Variants in CCNY observed in about 807,000 individuals in gnomAD.
CCNY encodes cyclin Y.
CCNY carries 19 observed loss-of-function variants against 42.8 expected under a neutral mutation model. The observed-to-expected ratio is 0.44, with a 90% confidence interval of 0.31 to 0.65. CCNY has a LOEUF of 0.65. Ranked by LOEUF, CCNY falls within the 30% of genes least tolerant of loss-of-function variation. CCNY has a pLI of 0.07. For missense variants in CCNY, 370 were observed against 437.3 expected, an observed-to-expected ratio of 0.85 and a Z score of 1.37; for synonymous variants, 165 against 162.7, an observed-to-expected ratio of 1.01 and a Z score of -0.11.
chr10:35,286,254 C>T (rs1056757327), intron 3 of CCNY, among the ~76,000 whole-genome samples: 1 of 151,954 alleles, frequency 6.6e-6, no homozygotes, highest in Admixed American at 6.6e-5. Flanking sequence ...TTGATGATAT[C>T]TCTCCATACA....
rs530852250 is a variant in CCNY, at chr10:35,295,486, C to T, written c.-9+44860C>T. Among the ~76,000 whole-genome samples, 9 of 152,234 alleles carry T rather than the reference C, an allele frequency of 5.9e-5. No homozygotes were observed. The East Asian group carries it at 1.7e-3, about 30-fold the overall frequency. The stretch of plus-strand genomic sequence containing the variant: ...ACCTCAGGTGATCCGCCCGTTTCTG[C>T]CTCCCAAAGTGCTGGGATTACAGGC... On this transcript the variant is annotated intron_variant, in intron 3 of 11. Transcript: ENST00000374706.
At chr10:35,264,354 A>G (rs1257499838) in intron 3 of CCNY, among the ~76,000 whole-genome samples, 4 of 152,134 alleles carry the variant, frequency 2.6e-5, no homozygotes, top group African/African-American at 4.8e-5. Flanking sequence ...GTCAGGTCAA[A>G]TGGTATTTCT....
At chr10:35,368,264 C>T (rs1836852503) in intron 1 of CCNY, among the ~76,000 whole-genome samples, 2 of 152,182 alleles carry the variant, frequency 1.3e-5, no homozygotes, top group African/African-American at 4.8e-5. Context: ...CTTCAAGTTC[C>T]ATCCTCAGCT....
rs56033862 is a variant in CCNY, at chr10:35,482,749, G to GGTGTGTGTGTGT, written c.155-614_155-603dup. Among the ~76,000 whole-genome samples, 901 of 128,896 alleles carry GGTGTGTGTGTGT rather than the reference G, an allele frequency of 7.0e-3. 8 individuals carry two copies. Among genetic ancestry groups the GGTGTGTGTGTGT allele is most frequent in the East Asian group, 0.031 (132 of 4,248 alleles). The allele number at this position is 128,896 out of a possible 152,430, so 84.6% of individuals were successfully genotyped here. A position where few individuals can be genotyped will look rare whatever the true frequency, so the allele number is the denominator to read the frequency against. On this transcript the variant is annotated intron_variant, in intron 1 of 9. Transcript: ENST00000374704. The stretch of plus-strand genomic sequence containing the variant: ...GATTTCTCAAGGGAAGCTGGAAATA[G>GGTGTGTGTGTGT]GTGTGTGTGTGTGTGTGTGTGTGTG...
At chr10:35,526,088 T>C in intron 5 of CCNY, 89 bp downstream of exon 5, 1 of 1,121,332 alleles carries the variant, frequency 8.9e-7, no homozygotes. Flanking sequence ...CTTAAACCTT[T>C]GAATTATACT....
At position 35,478,411 on chromosome 10, in the gene CCNY, A is replaced by G. The variant is rs1369862003; in HGVS notation, c.155-4993A>G. Among the ~76,000 whole-genome samples the G allele has an allele frequency of 2.5e-3, 375 of 151,628 alleles. 2 individuals carry two copies. Among genetic ancestry groups the G allele is most frequent in the African/African-American group, 8.4e-3 (349 of 41,368 alleles). ...CTATACTACAAGGCTACAGTAACCA[A>G]AACAGCATGGTACTGGTACCAAAAC... is the stretch of plus-strand genomic sequence containing the variant. On this transcript the variant is annotated intron_variant, in intron 1 of 9. Transcript: ENST00000374704.
intron 1 of CCNY, among the ~76,000 whole-genome samples, chr10:35,377,816 G>A (rs1464966766): frequency 1.3e-5 from 2 of 149,992 alleles, no homozygotes; most frequent in African/African-American, 5.1e-5. Flanking sequence ...AATTAAGTAA[G>A]AAGAGTAGCA....
At position 35,336,862 on chromosome 10, in the gene CCNY, C is replaced by T. The variant is rs1836046099; in HGVS notation, c.-192C>T. 6.3e-6 allele frequency: 1 copy of T among 159,400 alleles called. No homozygotes were observed. The highest frequency in any genetic ancestry group is 2.4e-5 in the African/African-American group (1 of 40,970). The allele number at this position is 159,400 out of a possible 1,614,324, so 9.9% of individuals were successfully genotyped here. ...CCGCTCGTCGCCGCCGCCGCCGCCG[C>T]CGCCCATGGCGAGGCCCCGCCGCCG... On this transcript the variant is annotated 5_prime_UTR_variant, in exon 1 of 10. Transcript: ENST00000374704.
At chr10:35,508,660 T>C (rs987685437) in intron 3 of CCNY, among the ~76,000 whole-genome samples, 1 of 152,222 alleles carries the variant, frequency 6.6e-6, no homozygotes, top group Non-Finnish European at 1.5e-5. Flanking sequence ...TACTTTAAAT[T>C]TCCCATTCCA....
At position 35,264,344 on chromosome 10, in the gene CCNY, G is replaced by A. The variant is rs369952908; in HGVS notation, c.-9+13718G>A. Among the ~76,000 whole-genome samples, 62 of 152,128 alleles carry A rather than the reference G, an allele frequency of 4.1e-4. No individual in the cohort carries two copies. The East Asian group carries it at 6.0e-3, about 15-fold the overall frequency. On this transcript the variant is annotated intron_variant, in intron 3 of 11. Coordinates refer to the CCNY transcript ENST00000374706. ...GTTGGTGTGCTGCACCCATTAACTC[G>A]TCAGGTCAAATGGTATTTCTGCCTC...
At chr10:35,272,827 G>A (rs1420530686) in intron 3 of CCNY, among the ~76,000 whole-genome samples, 2 of 151,946 alleles carry the variant, frequency 1.3e-5, no homozygotes, top group Non-Finnish European at 2.9e-5. Context: ...CTGTTTTTAG[G>A]TCTTTGAGGA....
chr10:35,362,841 A>G (rs2504358), intron 1 of CCNY, among the ~76,000 whole-genome samples: 12,126 of 148,326 alleles, frequency 0.082, 881 homozygotes, highest in African/African-American at 0.2. Context: ...GCCAGGCAGA[A>G]GCACTCCTCA....
At chr10:35,491,021 T>C (rs1839884518) in intron 2 of CCNY, among the ~76,000 whole-genome samples, 1 of 152,214 alleles carries the variant, frequency 6.6e-6, no homozygotes, top group Non-Finnish European at 1.5e-5. Context: ...CTCACCTGTC[T>C]TTCCCTCTAG....
At chr10:35,515,911 T>A (rs1337592102) in intron 3 of CCNY, among the ~76,000 whole-genome samples, 1 of 152,236 alleles carries the variant, frequency 6.6e-6, no homozygotes, top group Non-Finnish European at 1.5e-5. Flanking sequence ...CAAAGAACTA[T>A]CTAAAGGTCA....
At chr10:35,365,210 T>C (rs962275379) in intron 1 of CCNY, among the ~76,000 whole-genome samples, 2 of 152,186 alleles carry the variant, frequency 1.3e-5, no homozygotes, top group Admixed American at 1.3e-4. Flanking sequence ...ATTGGTTATC[T>C]TCACTGGAGG....
At chr10:35,481,760 A>T (rs1398433354) in intron 1 of CCNY, among the ~76,000 whole-genome samples, 1 of 152,202 alleles carries the variant, frequency 6.6e-6, no homozygotes, top group Non-Finnish European at 1.5e-5. Context: ...TGATATGCAA[A>T]AGCCCTCAAA....
intron 1 of CCNY, among the ~76,000 whole-genome samples, chr10:35,401,650 G>A (rs990356729): frequency 6.6e-6 from 1 of 151,496 alleles, no homozygotes; most frequent in Non-Finnish European, 1.5e-5. Context: ...GGCTTTGTGT[G>A]AGCAACAAGG....
At chr10:35,481,138 C>A (rs564595004) in intron 1 of CCNY, among the ~76,000 whole-genome samples, 32 of 152,170 alleles carry the variant, frequency 2.1e-4, no homozygotes, top group African/African-American at 7.2e-4. Flanking sequence ...TAATGACATA[C>A]GGTACATCGG....
At chr10:35,295,516 G>C (rs1835461603) in intron 3 of CCNY, among the ~76,000 whole-genome samples, 1 of 152,046 alleles carries the variant, frequency 6.6e-6, no homozygotes, top group Non-Finnish European at 1.5e-5. Flanking sequence ...ACAGGCTTGA[G>C]CCACCGCCCC....
Sources: gnomAD v4.1 joint callset for allele counts (sites outside exome capture counted in the v4.1 genomes callset) on GRCh38, gnomAD v4.1.1 for gene constraint, MANE v1.5 for transcripts, NCBI Gene and HGNC (gene_info 2026-07-23, HGNC 2026-07-21) for gene names.